The following LIMCH1 variants were observed in gnomAD, a reference collection of about 807,000 sequenced individuals.
LIMCH1 encodes the protein LIM and calponin homology domains-containing protein 1.
In LIMCH1, 113 loss-of-function variants were observed where a neutral mutation model predicts 176.5. The ratio of observed to expected loss-of-function variants is 0.64; its 90% CI spans 0.55 to 0.75. LIMCH1 has a LOEUF of 0.75. LIMCH1 is among the 30% of genes least tolerant of loss of function. The probability of loss-of-function intolerance (pLI) is 0.00; values close to 1 mark genes in which losing one functional copy is unlikely to be tolerated. For missense variants in LIMCH1, 1,674 were observed against 1,814.9 expected (o/e 0.92, Z 1.41); for synonymous variants, 619 against 645.9 (o/e 0.96, Z 0.63).
chr4:41,518,879 C>T (rs1414120396), intron 2 of LIMCH1, among the ~76,000 whole-genome samples: 1 of 150,748 alleles, frequency 6.6e-6, no homozygotes, highest in Non-Finnish European at 1.5e-5. Flanking sequence ...TGATGGTTTC[C>T]AGCTTCATCC....
chr4:41,373,406 G>A (rs894934001), intron 1 of LIMCH1, among the ~76,000 whole-genome samples: 7 of 152,224 alleles, frequency 4.6e-5, no homozygotes, highest in Admixed American at 2.0e-4. Flanking sequence ...TCCTGGCACC[G>A]AAGATAGGAA....
chr4:41,682,733 A>G (rs1192670736), intron 26 of LIMCH1, among the ~76,000 whole-genome samples: 1 of 140,066 alleles, frequency 7.1e-6, no homozygotes, highest in African/African-American at 2.7e-5. Context: ...CTGGAGTGCC[A>G]TGGTACGATC....
chr4:41,525,261 CAG>C (rs577955084), intron 3 of LIMCH1, among the ~76,000 whole-genome samples: 31 of 152,280 alleles, frequency 2.0e-4, no homozygotes, highest in Non-Finnish European at 4.0e-4. Flanking sequence ...CACACACACA[CAG>C]AGCAGAGGAA....
rs535011390 is a variant in LIMCH1 at position 41,607,591 on chromosome 4, C to T, written c.9+1587C>T. On this transcript the variant is annotated intron_variant, in intron 4 of 31. Transcript: ENST00000503057. ...ATAGATGGGTCATGAAGCTTTGTCT[C>T]ACAGTTCCCCTGCTAGATTCTGTTG... is the stretch of plus-strand genomic sequence containing the variant. 8.5e-5 allele frequency among the ~76,000 whole-genome samples: 13 copies of T among 152,330 alleles called. No individual in the cohort carries two copies. In the South Asian group the frequency reaches 2.5e-3, roughly 29 times the overall value.
chr4:41,402,230 C>A (rs546334643), intron 1 of LIMCH1, among the ~76,000 whole-genome samples: 1 of 152,078 alleles, frequency 6.6e-6, no homozygotes, highest in Non-Finnish European at 1.5e-5. Flanking sequence ...GAAAAATGCT[C>A]ATCATCACTG....
chr4:41,444,345 C>T (rs1271362041), intron 1 of LIMCH1, among the ~76,000 whole-genome samples: 1 of 143,296 alleles, frequency 7.0e-6, no homozygotes, highest in African/African-American at 2.8e-5. Flanking sequence ...CACACACACA[C>T]ACACACACAT....
At chr4:41,651,252 A>G (rs576338847) in intron 18 of LIMCH1, among the ~76,000 whole-genome samples, 196 of 152,162 alleles carry the variant, frequency 1.3e-3, no homozygotes, top group African/African-American at 4.3e-3. Context: ...TGATCCACCC[A>G]CCTCAGCCTC....
chr4:41,457,934 C>T (rs534374778), intron 1 of LIMCH1, among the ~76,000 whole-genome samples: 6 of 152,046 alleles, frequency 3.9e-5, no homozygotes, highest in East Asian at 3.9e-4. Flanking sequence ...TGAGGAACTA[C>T]GAAATGGGAA....
Position 41,616,124 on chromosome 4 carries a change from T to C in LIMCH1, c.205+2463T>C, listed in dbSNP as rs563996903. ...AAATTAAGAACATATTTTGTAAATA[T>C]GCATTAGGTTAAATGAACAGTCTAA... On this transcript the variant is annotated intron_variant, in intron 5 of 31. Coordinates refer to ENST00000503057, the MANE Select transcript of LIMCH1 (RefSeq NM_001330672.2). Among the ~76,000 whole-genome samples the C allele has an allele frequency of 6.6e-5, 10 of 152,286 alleles. No individual in the cohort carries two copies. The South Asian group carries it at 2.1e-3, about 32-fold the overall frequency.
rs1412904969 is a variant in LIMCH1 at position 41,620,415 on chromosome 4, A to G, written c.459-9A>G. 2.6e-6 allele frequency: 4 copies of G among 1,534,962 alleles called. No individual in the cohort carries two copies. Among genetic ancestry groups the G allele is most frequent in the Non-Finnish European group, 3.5e-6 (4 of 1,146,338 alleles). On this transcript the variant is annotated splice_polypyrimidine_tract_variant and intron_variant, in intron 6 of 31. Transcript: ENST00000503057. ...TTAGTTTGGTAAACCATATTGTCCA[A>G]CTCACTAGCTTTCCTGAAACGATAG...
chr4:41,361,008 C>G, intron 1 of LIMCH1: 3 of 1,148,420 alleles, frequency 2.6e-6, no homozygotes, highest in Non-Finnish European at 2.4e-6. Flanking sequence ...GCTCCGACCG[C>G]AGGTCCAGCC....
Position 41,699,001 on chromosome 4 carries a change from GA to G in LIMCH1, c.*1822del, listed in dbSNP as rs1732076892. 2 of 151,782 alleles carry G rather than the reference GA, an allele frequency of 1.3e-5. No homozygotes were observed. The highest frequency in any genetic ancestry group is 3.9e-4 in the East Asian group (2 of 5,186). 9.4% of individuals were successfully genotyped at this position (151,782 alleles called of 1,614,324 possible). A position where few individuals can be genotyped will look rare whatever the true frequency, so the allele number is the denominator to read the frequency against. ...AAATAAAAATAAAAAAAGAAAAAAA[GA>G]AAAAATTAAAAAGAAAAATTGTTTT... is the stretch of plus-strand genomic sequence containing the variant. On this transcript the variant is annotated 3_prime_UTR_variant, in exon 32 of 32. Transcript: ENST00000503057.
intron 1 of LIMCH1, among the ~76,000 whole-genome samples, chr4:41,441,310 A>G (rs2062677691): frequency 6.6e-6 from 1 of 152,218 alleles, no homozygotes; most frequent in Admixed American, 6.5e-5. Context: ...TTAAGCAAAG[A>G]TCTAATTAAT....
chr4:41,538,569 TA>T (rs397942848), intron 1 of LIMCH1, among the ~76,000 whole-genome samples: 1 of 151,598 alleles, frequency 6.6e-6, no homozygotes, highest in Non-Finnish European at 1.5e-5. Context: ...TTTTTTTTTT[TA>T]ATTCCCTAAG....
At chr4:41,599,423 C>T (rs1164175904) in intron 2 of LIMCH1, among the ~76,000 whole-genome samples, 1 of 152,178 alleles carries the variant, frequency 6.6e-6, no homozygotes, top group African/African-American at 2.4e-5. Flanking sequence ...GCAAAGAAAG[C>T]ATTAGATTAT....
At chr4:41,542,690 A>G (rs1232682372) in intron 1 of LIMCH1, among the ~76,000 whole-genome samples, 1 of 152,156 alleles carries the variant, frequency 6.6e-6, no homozygotes, top group Non-Finnish European at 1.5e-5. Flanking sequence ...TTCCACGTTG[A>G]TATTTCAATT....
In LIMCH1 at chr4:41,471,889, G is replaced by C. The variant is rs200191295; in HGVS notation, c.97-22647G>C. ...CATCTGAGCTCAGCACGCCTTTTTG[G>C]AAGCCTTCCCTCTTTAATACCCTAC... On this transcript the variant is annotated intron_variant, in intron 1 of 26. Coordinates refer to the LIMCH1 transcript ENST00000313860. 6.6e-5 allele frequency among the ~76,000 whole-genome samples: 10 copies of C among 152,132 alleles called. No individual in the cohort carries two copies. In the East Asian group the frequency reaches 1.9e-3, roughly 29 times the overall value.
At chr4:41,600,634 C>G (rs1318878077) in intron 2 of LIMCH1, among the ~76,000 whole-genome samples, 1 of 152,070 alleles carries the variant, frequency 6.6e-6, no homozygotes, top group African/African-American at 2.4e-5. Flanking sequence ...GGATCTAGCC[C>G]TAGGTCTGCT....
intron 3 of LIMCH1, among the ~76,000 whole-genome samples, chr4:41,525,243 C>T (rs191882193): frequency 1.1e-3 from 158 of 150,340 alleles, no homozygotes; most frequent in African/African-American, 3.8e-3. Flanking sequence ...CGTGCACACG[C>T]GCGCGCACAC....
Sources: gnomAD v4.1 joint callset for allele counts (sites outside exome capture counted in the v4.1 genomes callset) on GRCh38, gnomAD v4.1.1 for gene constraint, MANE v1.5 for transcripts, NCBI Gene and HGNC (gene_info 2026-07-23, HGNC 2026-07-21) for gene names.